The following FMN1 variants were observed in gnomAD, a reference collection of about 807,000 sequenced individuals.
The protein encoded by FMN1 is formin 1.
In FMN1, 110 loss-of-function variants were observed where a neutral mutation model predicts 132.4. That is an observed-to-expected ratio of 0.83 (90% CI 0.71 to 0.97). The LOEUF (loss-of-function observed/expected upper bound fraction) is 0.97, where lower values mean the gene tolerates loss of function less well. Among genes scored for constraint, FMN1 ranks in the 50% least tolerant of loss-of-function variants. The pLI is 0.00. For synonymous variants in FMN1, 722 were observed against 651.7 expected, an observed-to-expected ratio of 1.11 and a Z score of -1.64; for missense variants, 1,792 against 1,705.3, an observed-to-expected ratio of 1.05 and a Z score of -0.90.
At chr15:32,802,749 C>T (rs940815742) in intron 18 of FMN1, among the ~76,000 whole-genome samples, 2 of 152,168 alleles carry the variant, frequency 1.3e-5, no homozygotes, top group African/African-American at 4.8e-5. Flanking sequence ...TTCTGTTTGG[C>T]CTGACACCAA....
rs1964401813 is a variant in FMN1 at position 33,150,565 on chromosome 15, T to A, written c.1867+2483A>T. On this transcript the variant is annotated intron_variant, in intron 4 of 20. Transcript: ENST00000616417. ...GCCTCTGTGACATCCTTATGCTACA[T>A]CCTGCATGAATGGTAATGTCAGCTT... is the stretch of plus-strand genomic sequence containing the variant. 6.1e-6 allele frequency: 6 copies of A among 985,324 alleles called. No individual in the cohort carries two copies. In the South Asian group the frequency reaches 1.9e-4, roughly 31 times the overall value. 61.0% of individuals were successfully genotyped at this position (985,324 alleles called of 1,614,324 possible).
chr15:33,058,548 A>G (rs1406639503), intron 6 of FMN1, among the ~76,000 whole-genome samples: 5 of 152,222 alleles, frequency 3.3e-5, no homozygotes, highest in Non-Finnish European at 5.9e-5. Flanking sequence ...GCCTAGAAGC[A>G]TTTTTATTTG....
In FMN1 at chr15:32,826,376, C is replaced by T. The variant is rs540704186; in HGVS notation, c.3929-22044G>A. Among the ~76,000 whole-genome samples the T allele has an allele frequency of 3.3e-5, 5 of 152,224 alleles. No homozygotes were observed. In the South Asian group the frequency reaches 1.0e-3, roughly 32 times the overall value. ...TGAAGGTGTTGAAAGACACTGAGAT[C>T]GAATTCCCTGGGGGAAAAACGCTGC... is the stretch of plus-strand genomic sequence containing the variant. On this transcript the variant is annotated intron_variant, in intron 17 of 20. Transcript: ENST00000616417.
chr15:32,783,469 G>A (rs550700455), intron 19 of FMN1, among the ~76,000 whole-genome samples: 6 of 152,200 alleles, frequency 3.9e-5, no homozygotes, highest in East Asian at 1.9e-4. Context: ...TAACCTGGCC[G>A]GGTGTGGTGG....
intron 9 of FMN1, among the ~76,000 whole-genome samples, chr15:32,954,597 A>C (rs1275823133): frequency 7.4e-6 from 1 of 135,758 alleles, no homozygotes; most frequent in Non-Finnish European, 1.5e-5. Flanking sequence ...CTGACACCAA[A>C]GCTGGGCACT....
chr15:32,992,236 G>C (rs969492931), intron 7 of FMN1, among the ~76,000 whole-genome samples: 3 of 152,126 alleles, frequency 2.0e-5, no homozygotes, highest in Non-Finnish European at 4.4e-5. Flanking sequence ...TTTCTAGAAC[G>C]TTGGAATTTT....
At position 33,154,823 on chromosome 15, in the gene FMN1, C is replaced by T. The variant is rs5002279; in HGVS notation, c.92G>A (p.Gly31Glu). Residue 31 changes from glycine (G) to glutamate (E), a missense_variant, in exon 4 of 21, where the codon GGA becomes GAA. Physicochemically the swap from Gly to Glu is moderately conservative, Grantham distance 98 (BLOSUM62 -2). This residue lies in a region of FMN1 where 638 missense variants were observed against 645.2 expected (regional missense o/e 0.99). Coordinates refer to ENST00000616417, the MANE Select transcript of FMN1 (RefSeq NM_001277313.2). ...AGTTACAGTGCCCTTGTATGAAAAT[C>T]CTCTGACTTCCCCCTTTGGAAGACA... ...SFCLPKGEVR[G>E]FSYKGTVTLD... 2 of 1,536,124 alleles carry T rather than the reference C, an allele frequency of 1.3e-6. No individual in the cohort carries two copies. The highest frequency in any genetic ancestry group is 1.2e-5 in the South Asian group (1 of 84,054).
At chr15:32,928,355 A>C (rs1043728675) in intron 9 of FMN1, among the ~76,000 whole-genome samples, 1 of 152,192 alleles carries the variant, frequency 6.6e-6, no homozygotes, top group Non-Finnish European at 1.5e-5. Context: ...GCATAATACA[A>C]TATCTTCCTT....
intron 17 of FMN1, among the ~76,000 whole-genome samples, chr15:32,852,858 C>A (rs2059041136): frequency 6.6e-6 from 1 of 152,302 alleles, no homozygotes; most frequent in East Asian, 1.9e-4. Context: ...AGTTCAGATT[C>A]TTTAGCAAGT....
chr15:33,067,796 A>G, intron 5 of FMN1: 9 of 1,614,022 alleles, frequency 5.6e-6, no homozygotes, highest in Non-Finnish European at 7.6e-6. Context: ...GAACTTACTC[A>G]GGATCGACTG....
intron 2 of FMN1, among the ~76,000 whole-genome samples, chr15:33,188,136 C>A (rs1965950785): frequency 6.6e-6 from 1 of 151,586 alleles, no homozygotes; most frequent in African/African-American, 2.4e-5. Flanking sequence ...AGTTCGAGAC[C>A]AGCCTGGCCA....
intron 6 of FMN1, among the ~76,000 whole-genome samples, chr15:33,018,634 T>C (rs897851636): frequency 2.6e-5 from 4 of 152,232 alleles, no homozygotes; most frequent in Non-Finnish European, 5.9e-5. Context: ...GTATCCTTTG[T>C]ACCATTGTGT....
chr15:33,129,378 G>A (rs1303818354), intron 4 of FMN1, among the ~76,000 whole-genome samples: 3 of 152,198 alleles, frequency 2.0e-5, no homozygotes, highest in Non-Finnish European at 4.4e-5. Flanking sequence ...GTGTAGCAAT[G>A]TGTATAAATA....
At chr15:32,848,526 C>T (rs530043829) in intron 17 of FMN1, among the ~76,000 whole-genome samples, 3 of 152,222 alleles carry the variant, frequency 2.0e-5, no homozygotes, top group African/African-American at 7.2e-5. Flanking sequence ...TGATAAGGGA[C>T]CTTCAGATTT....
At chr15:33,170,065 T>C (rs958793179) in intron 3 of FMN1, among the ~76,000 whole-genome samples, 1 of 152,096 alleles carries the variant, frequency 6.6e-6, no homozygotes, top group African/African-American at 2.4e-5. Flanking sequence ...CTAAAAACCA[T>C]GTTTTGTGGA....
chr15:32,973,486 G>A (rs564733732), intron 7 of FMN1, among the ~76,000 whole-genome samples: 1 of 152,080 alleles, frequency 6.6e-6, no homozygotes, highest in Admixed American at 6.5e-5. Flanking sequence ...GGAAAACAAT[G>A]AATTTCCATG....
intron 19 of FMN1, among the ~76,000 whole-genome samples, chr15:32,790,492 A>G (rs371291643): frequency 1.3e-5 from 2 of 152,116 alleles, no homozygotes. Flanking sequence ...CTCTGTGGGG[A>G]GTTTCTAAAA....
At chr15:32,846,499 A>G (rs2141239698) in intron 17 of FMN1, among the ~76,000 whole-genome samples, 1 of 152,370 alleles carries the variant, frequency 6.6e-6, no homozygotes, top group East Asian at 1.9e-4. Flanking sequence ...AATGCAAATC[A>G]AAACCACAAT....
chr15:32,871,463 A>C (rs934316185), intron 16 of FMN1, among the ~76,000 whole-genome samples: 4 of 152,312 alleles, frequency 2.6e-5, no homozygotes, highest in African/African-American at 9.6e-5. Flanking sequence ...CAGCCATATA[A>C]AATTTCATCA....
Sources: gnomAD v4.1 joint callset for allele counts (sites outside exome capture counted in the v4.1 genomes callset) on GRCh38, gnomAD v4.1.1 for gene constraint, gnomAD v4.1.1 regional missense constraint, MANE v1.5 for transcripts, NCBI Gene and HGNC (gene_info 2026-07-23, HGNC 2026-07-21) for gene names.